Variants in CELF2 observed in about 807,000 individuals in gnomAD.
CELF2 encodes CUGBP Elav-like family member 2, also known as CUG triplet repeat RNA-binding protein 2.
Under a neutral mutation model 62.6 loss-of-function variants are expected in CELF2, and 8 were observed. The ratio of observed to expected loss-of-function variants is 0.13; its 90% CI spans 0.07 to 0.23. The LOEUF is 0.23. Ranked by LOEUF, CELF2 falls within the 10% of genes least tolerant of loss-of-function variation. The pLI is 1.00. For synonymous variants in CELF2, 258 were observed against 250.0 expected (o/e 1.03, Z -0.30); for missense variants, 333 against 671.0 (o/e 0.50, Z 5.56).
the CELF2 span, among the ~76,000 whole-genome samples, chr10:10,537,613 G>C: frequency 6.6e-6 from 1 of 152,140 alleles, no homozygotes; most frequent in Non-Finnish European, 1.5e-5. Flanking sequence ...TCCTTGGGGT[G>C]ATCCTGGAAG....
At chr10:10,837,350 A>G (rs1331369736) in intron 1 of CELF2, among the ~76,000 whole-genome samples, 1 of 152,138 alleles carries the variant, frequency 6.6e-6, no homozygotes, top group Non-Finnish European at 1.5e-5. Context: ...CACCTTCCGC[A>G]TGATTGTGAG....
In CELF2 at chr10:11,247,341, C is replaced by A. The variant is rs774415535; in HGVS notation, c.355-1812C>A. Among the ~76,000 whole-genome samples, 2 of 152,248 alleles carry A rather than the reference C, an allele frequency of 1.3e-5. No homozygotes were observed. Among genetic ancestry groups the A allele is most frequent in the Non-Finnish European group, 2.9e-5 (2 of 68,038 alleles). On this transcript the variant is annotated intron_variant, in intron 3 of 12. Coordinates refer to ENST00000633077, the MANE Select transcript of CELF2 (RefSeq NM_001326342.2). This position sits in a 1 kb window ranked among gnomAD's most constrained non-coding sequence, Gnocchi z 5.4. The stretch of plus-strand genomic sequence containing the variant: ...AGCTCCCTGTGAGAGGGAACTGTCA[C>A]CCTTCCACTTCCTGGGTCACTGCGG...
chr10:11,025,016 A>G (rs1421433222), intron 1 of CELF2, among the ~76,000 whole-genome samples: 1 of 152,174 alleles, frequency 6.6e-6, no homozygotes, highest in African/African-American at 2.4e-5. Context: ...AACTCATTAA[A>G]TTTTAAGGTG....
the CELF2 span, among the ~76,000 whole-genome samples, chr10:10,736,396 C>CTTTTTTTTTTTTTTT: frequency 1.3e-5 from 1 of 76,016 alleles, no homozygotes; most frequent in African/African-American, 5.0e-5. Context: ...TTCTTTCTTT[C>CTTTTTTTTTTTTTTT]TTTTTTTTTT....
intron 1 of CELF2, among the ~76,000 whole-genome samples, chr10:11,152,155 G>A (rs998365898): frequency 1.3e-5 from 2 of 152,128 alleles, no homozygotes; most frequent in African/African-American, 4.8e-5. Flanking sequence ...AGAGGACTTG[G>A]GCTGTTCCAC....
chr10:10,534,167 G>C, the CELF2 span, among the ~76,000 whole-genome samples: 1 of 144,900 alleles, frequency 6.9e-6, no homozygotes, highest in Non-Finnish European at 1.5e-5. Context: ...AACATTCTCA[G>C]TAAAATGGCA....
chr10:10,569,847 T>A, the CELF2 span, among the ~76,000 whole-genome samples: 1 of 152,136 alleles, frequency 6.6e-6, no homozygotes, highest in African/African-American at 2.4e-5. Flanking sequence ...ACTCTGGACA[T>A]CAGGAGAATG....
At chr10:11,112,832 T>G (rs969231433) in intron 1 of CELF2, among the ~76,000 whole-genome samples, 1 of 152,126 alleles carries the variant, frequency 6.6e-6, no homozygotes, top group East Asian at 1.9e-4. Flanking sequence ...CATTTCCACA[T>G]GCGTAGCCCA....
At chr10:11,128,482 C>G (rs1172698364) in intron 1 of CELF2, among the ~76,000 whole-genome samples, 1 of 152,196 alleles carries the variant, frequency 6.6e-6, no homozygotes, top group East Asian at 1.9e-4. Context: ...TGGCCATTTT[C>G]ACGATATTGA....
rs1296451139 is a variant in CELF2 at position 11,012,605 on chromosome 10, G to T, written c.53+7165G>T. Among the ~76,000 whole-genome samples, 4 of 152,118 alleles carry T rather than the reference G, an allele frequency of 2.6e-5. 1 individual carries two copies. The highest frequency in any genetic ancestry group is 5.9e-5 in the Non-Finnish European group (4 of 68,016). On this transcript the variant is annotated intron_variant, in intron 1 of 12. Transcript: ENST00000416382. The surrounding 1 kb of genome is among the most constrained non-coding windows in gnomAD (Gnocchi z 5.5). ...CTGCAACTGTGTCCTCCCAGCTGTT[G>T]CTGTTCAGCTGTTGTAGTCTGTCAA...
chr10:10,495,210 C>T, the CELF2 span, among the ~76,000 whole-genome samples: 162 of 152,246 alleles, frequency 1.1e-3, no homozygotes, highest in African/African-American at 3.7e-3. Context: ...GACCAGAAGG[C>T]GGATGTTGCA....
At chr10:11,202,403 T>C (rs1365762567) in intron 2 of CELF2, among the ~76,000 whole-genome samples, 2 of 152,220 alleles carry the variant, frequency 1.3e-5, no homozygotes, top group East Asian at 3.8e-4. Context: ...TTGTCCCCGA[T>C]GGTTTCGGAA....
At chr10:11,200,818 G>T (rs2059051395) in intron 2 of CELF2, among the ~76,000 whole-genome samples, 1 of 152,216 alleles carries the variant, frequency 6.6e-6, no homozygotes, top group South Asian at 2.1e-4. Flanking sequence ...AAAGAAGACG[G>T]AAATTAACTT....
the CELF2 span, among the ~76,000 whole-genome samples, chr10:10,790,449 C>A: frequency 1.3e-5 from 2 of 152,204 alleles, no homozygotes; most frequent in Admixed American, 1.3e-4. Flanking sequence ...GTTGCCTACA[C>A]CTGAAAAACC....
chr10:11,067,141 T>A (rs2068394283), intron 1 of CELF2, among the ~76,000 whole-genome samples: 1 of 152,184 alleles, frequency 6.6e-6, no homozygotes, highest in Non-Finnish European at 1.5e-5. Flanking sequence ...GCTGTTGGAT[T>A]TGGAAAGGAG....
At chr10:10,748,341 C>T in the CELF2 span, among the ~76,000 whole-genome samples, 5 of 151,920 alleles carry the variant, frequency 3.3e-5, no homozygotes, top group Admixed American at 1.3e-4. Context: ...ATGTGGACCC[C>T]GAAAATATGC....
the CELF2 span, among the ~76,000 whole-genome samples, chr10:10,618,920 G>A: frequency 6.6e-6 from 1 of 152,142 alleles, no homozygotes; most frequent in African/African-American, 2.4e-5. Context: ...CAGGGCATGA[G>A]AGATTAGTTG....
intron 1 of CELF2, among the ~76,000 whole-genome samples, chr10:11,088,321 G>A (rs1477747062): frequency 2.0e-5 from 3 of 152,240 alleles, no homozygotes; most frequent in African/African-American, 7.2e-5. Flanking sequence ...TTAGAGGGCA[G>A]TGACCAATCC....
At chr10:10,871,230 T>G (rs905141626) in intron 1 of CELF2, among the ~76,000 whole-genome samples, 3 of 152,210 alleles carry the variant, frequency 2.0e-5, no homozygotes. Context: ...TTAGCTTTGT[T>G]CTGTTTCCCT....
Sources: gnomAD v4.1 joint callset for allele counts (sites outside exome capture counted in the v4.1 genomes callset) on GRCh38, gnomAD v4.1.1 for gene constraint, Gnocchi (gnomAD v3.1) non-coding constraint, MANE v1.5 for transcripts, NCBI Gene and HGNC (gene_info 2026-07-23, HGNC 2026-07-21) for gene names.